Variants in DCST1 observed in about 807,000 individuals in gnomAD.
The protein encoded by DCST1 is DC-STAMP domain containing 1, also known as E3 ubiquitin-protein ligase DCST1.
Under a neutral mutation model 89.1 loss-of-function variants are expected in DCST1, and 78 were observed. The ratio of observed to expected loss-of-function variants is 0.88; its 90% CI spans 0.73 to 1.06. DCST1 has a LOEUF of 1.06. Ranked by LOEUF, DCST1 falls within the 50% of genes least tolerant of loss-of-function variation. The pLI, the probability that DCST1 is intolerant of heterozygous loss-of-function variation, is 0.00. For missense variants in DCST1, 900 were observed against 928.6 expected (o/e 0.97, Z 0.40); for synonymous variants, 364 against 371.9 (o/e 0.98, Z 0.24).
rs759735870 is a variant in DCST1, at chr1:155,041,598, A to C, written c.733A>C (p.Lys245Gln). 2 of 1,614,156 alleles carry C rather than the reference A, an allele frequency of 1.2e-6. No individual in the cohort carries two copies. The highest frequency in any genetic ancestry group is 1.7e-5 in the Admixed American group (1 of 60,026). ...STQKMYELKT[K>Q]LRCSYVVNQA... ...ACAGAAGATGTATGAGCTGAAGACC[A>C]AGCTGCGTTGCTCCTGTGAGGGGTA... Residue 245 changes from lysine to glutamine, a missense_variant, in exon 7 of 17, where the codon AAG becomes CAG. Lys to Gln is a moderately conservative substitution (Grantham distance 53, BLOSUM62 1). Coordinates refer to ENST00000295542, the MANE Select transcript of DCST1 (RefSeq NM_152494.4).
chr1:155,044,169 G>A (rs1660529074), intron 10 of DCST1, among the ~76,000 whole-genome samples: 1 of 152,188 alleles, frequency 6.6e-6, no homozygotes, highest in Non-Finnish European at 1.5e-5. Flanking sequence ...AGATGAAGGA[G>A]CTCTATTCCT....
In DCST1 at chr1:155,034,534, C is replaced by G. The variant is rs1660207323; in HGVS notation, c.161C>G (p.Ala54Gly). The change falls in exon 3 of 17, where the codon GCA becomes GGA. Residue 54 changes from alanine (A) to glycine (G), a missense_variant. Physicochemically the swap from Ala to Gly is moderately conservative, Grantham distance 60. Transcript: ENST00000295542. Reference sequence around the variant, plus strand: ...CCTGTCACTGCTCTCCTGCTGGGGGCAGGCGCTGGGGGGCTCCTGGCCATA... The same window carrying G: ...CCTGTCACTGCTCTCCTGCTGGGGGGAGGCGCTGGGGGGCTCCTGGCCATA... ...EFPVTALLLG[A>G]GAGGLLAIGL... 6.2e-7 allele frequency: 1 copy of G among 1,613,462 alleles called. No individual in the cohort carries two copies. Among genetic ancestry groups the G allele is most frequent in the Non-Finnish European group, 8.5e-7 (1 of 1,179,922 alleles).
At chr1:155,034,887 G>A (rs1660225793) in intron 4 of DCST1, 160 bp downstream of exon 4, 1 of 727,464 alleles carries the variant, frequency 1.4e-6, no homozygotes, top group South Asian at 1.7e-5. Context: ...AGAGGGAAGA[G>A]GCTGCCAATT....
At chr1:155,036,848 C>T (rs1660292042) in intron 4 of DCST1, among the ~76,000 whole-genome samples, 1 of 152,268 alleles carries the variant, frequency 6.6e-6, no homozygotes, top group Non-Finnish European at 1.5e-5. Flanking sequence ...GGGCCACCCA[C>T]AGCCTCTTGC....
intron 7 of DCST1, 41 bp downstream of exon 7, chr1:155,041,654 T>TG (rs752204321): frequency 2.2e-4 from 347 of 1,613,710 alleles, no homozygotes; most frequent in Non-Finnish European, 2.8e-4. Flanking sequence ...GGGTGGGATG[T>TG]GGGGCCAGCA....
At position 155,042,798 on chromosome 1, in the gene DCST1, C is replaced by G; in HGVS notation, c.956C>G (p.Ser319Cys). Residue 319 changes from serine (S) to cysteine (C), a missense_variant, in exon 9 of 17, where the codon TCC (serine) becomes TGC (cysteine). Transcript: ENST00000295542. ...VEGNFGQTYD[S>C]LNQSIRGLDG... ...GGCAACTTTGGGCAGACCTACGACT[C>G]CCTCAACCAGTCTATTCGTGGCCTG... 1 of 1,614,214 alleles carries G rather than the reference C, an allele frequency of 6.2e-7. No homozygotes were observed. Among genetic ancestry groups the G allele is most frequent in the South Asian group, 1.1e-5 (1 of 91,086 alleles).
Position 155,034,643 on chromosome 1 carries a change from G to A in DCST1, c.188-10G>A. On this transcript the variant is annotated splice_polypyrimidine_tract_variant and intron_variant, in intron 3 of 16. Coordinates refer to ENST00000295542, the MANE Select transcript of DCST1 (RefSeq NM_152494.4). ...ATCTTTTGGCCTTTGGCTTGACCTT[G>A]TGCCCTTAGGTCTCTTTCAGCTCCT... 6.2e-7 allele frequency: 1 copy of A among 1,614,190 alleles called. No individual in the cohort carries two copies. Among genetic ancestry groups the A allele is most frequent in the Non-Finnish European group, 8.5e-7 (1 of 1,180,034 alleles).
chr1:155,047,681 A>C, intron 14 of DCST1, 106 bp from the exon 15 acceptor site: 1 of 988,106 alleles, frequency 1.0e-6, no homozygotes, highest in Non-Finnish European at 1.5e-6. Context: ...GGAGGAGAGC[A>C]GGGGAATCAG....
At chr1:155,042,981 G>A in intron 9 of DCST1, 125 bp downstream of exon 9, 1 of 1,202,052 alleles carries the variant, frequency 8.3e-7, no homozygotes, top group Non-Finnish European at 1.1e-6. Flanking sequence ...GTGAGGGAGG[G>A]GGACAAGGAG....
rs748871200 is a variant in DCST1 at position 155,041,468 on chromosome 1, G to A, written c.603G>A (p.Val201=). The stretch of plus-strand genomic sequence containing the variant: ...CTTTTGAGGACCTGGATGCCCAGGT[G>A]AATAGTGAGACGGGCTACACGCCTG... The part of the protein sequence containing the change: ...SATFEDLDAQ[V]NSETGYTPED... Residue 201 remains valine (V), a synonymous_variant, in exon 7 of 17, where the codon GTG becomes GTA. Coordinates refer to ENST00000295542, the MANE Select transcript of DCST1 (RefSeq NM_152494.4). 1.9e-6 allele frequency: 3 copies of A among 1,614,114 alleles called. No individual in the cohort carries two copies. The highest frequency in any genetic ancestry group is 2.5e-6 in the Non-Finnish European group (3 of 1,180,040).
chr1:155,047,506 C>G (rs573320345), intron 14 of DCST1, among the ~76,000 whole-genome samples, 194 bp downstream of exon 14: 2 of 152,328 alleles, frequency 1.3e-5, no homozygotes, highest in South Asian at 2.1e-4. Flanking sequence ...CAGCTTCAGT[C>G]AGAGGAGTCT....
rs199907649 is a variant in DCST1 at position 155,047,787 on chromosome 1, C to T, written c.1613C>T (p.Pro538Leu). 63 of 1,613,502 alleles carry T rather than the reference C, an allele frequency of 3.9e-5. No homozygotes were observed. Among genetic ancestry groups the T allele is most frequent in the Non-Finnish European group, 1.0e-5 (12 of 1,179,998 alleles). Residue 538 changes from proline to leucine, a missense_variant and splice_region_variant, in exon 15 of 17, where the codon CCC (proline) becomes CTC (leucine). Pro to Leu is a moderately conservative substitution (Grantham distance 98). Coordinates refer to ENST00000295542, the MANE Select transcript of DCST1 (RefSeq NM_152494.4). ...SETVMESNNM[P>L]CLPQPVGLDA... ...GACCCCTGGCCTGCCCCTCCCCTAGCCTGCCTGCCCCAGCCTGTGGGCCTG... is the reference window on the plus strand; with the variant it reads ...GACCCCTGGCCTGCCCCTCCCCTAGTCTGCCTGCCCCAGCCTGTGGGCCTG...
chr1:155,034,375 C>T, intron 2 of DCST1, 60 bp from the exon 3 acceptor site: 1 of 1,612,398 alleles, frequency 6.2e-7, no homozygotes, highest in Non-Finnish European at 8.5e-7. Context: ...GCCCTGAATC[C>T]TAATGAGCCC....
intron 4 of DCST1, among the ~76,000 whole-genome samples, chr1:155,036,817 T>G (rs547538276): frequency 6.6e-6 from 1 of 152,358 alleles, no homozygotes; most frequent in African/African-American, 2.4e-5. Flanking sequence ...TTGGCTGACC[T>G]CGAGTGAAGC....
chr1:155,040,255 A>C (rs1401963362), intron 5 of DCST1, among the ~76,000 whole-genome samples: 2 of 148,940 alleles, frequency 1.3e-5, no homozygotes, highest in African/African-American at 5.0e-5. Flanking sequence ...ATGAGCAGAG[A>C]TCGAGCCACT....
rs1437651530 is a variant in DCST1 at position 155,048,049 on chromosome 1, G to GC, written c.1756-3dup. On this transcript the variant is annotated splice_polypyrimidine_tract_variant and splice_region_variant and intron_variant, in intron 15 of 16. Transcript: ENST00000295542. ...TTTCTCTATCATTGACCCCCTTCCT[G>GC]CCCCCAGCGAGAGAAGAAGCGGATC... The GC allele has an allele frequency of 6.2e-7, 1 of 1,613,386 alleles. No homozygotes were observed. Among genetic ancestry groups the GC allele is most frequent in the African/African-American group, 1.3e-5 (1 of 74,754 alleles).
chr1:155,050,481 G>C (rs554144261), intron 16 of DCST1, 136 bp from the exon 17 acceptor site: 1 of 1,249,056 alleles, frequency 8.0e-7, no homozygotes, highest in African/African-American at 1.5e-5. Flanking sequence ...CCCTCCAGGG[G>C]TTTCCTTTGT....
Position 155,047,840 on chromosome 1 carries a change from G to A in DCST1, c.1666G>A (p.Val556Ile). The change falls in exon 15 of 17, where the codon GTA (valine) becomes ATA (isoleucine). Residue 556 changes from valine (V) to isoleucine (I), a missense_variant. By Grantham distance (29) the Val-to-Ile change is conservative. Coordinates refer to ENST00000295542, the MANE Select transcript of DCST1 (RefSeq NM_152494.4). ...LDARAYWRAA[V>I]PIGLLVCLCL... ...TGCCAGGGCCTACTGGAGAGCTGCAGTACCGATTGGCCTGTTAGTGTGTCT... is the reference window on the plus strand; with the variant it reads ...TGCCAGGGCCTACTGGAGAGCTGCAATACCGATTGGCCTGTTAGTGTGTCT... 3.7e-6 allele frequency: 6 copies of A among 1,614,234 alleles called. No homozygotes were observed. Among genetic ancestry groups the A allele is most frequent in the Non-Finnish European group, 5.1e-6 (6 of 1,180,042 alleles).
chr1:155,043,393 G>C lies in DCST1; in HGVS notation c.1056G>C (p.Trp352Cys), dbSNP rs1438171415. The change falls in exon 10 of 17, where the codon TGG (tryptophan) becomes TGC (cysteine). Residue 352 changes from tryptophan (W) to cysteine (C), a missense_variant. By Grantham distance (215) the Trp-to-Cys change is radical. Transcript: ENST00000295542. The part of the protein sequence containing the change: ...QAGVLGLNTS[W>C]ERVSTEVRDY... ...GGGTGCTGGGGCTCAACACAAGCTG[G>C]GAGCGCGTGAGCACCGAGGTGCGGG... The C allele has an allele frequency of 6.2e-7, 1 of 1,613,918 alleles. No homozygotes were observed. The highest frequency in any genetic ancestry group is 1.3e-5 in the African/African-American group (1 of 74,896).
Sources: gnomAD v4.1 joint callset for allele counts (sites outside exome capture counted in the v4.1 genomes callset) on GRCh38, gnomAD v4.1.1 for gene constraint, MANE v1.5 for transcripts, NCBI Gene and HGNC (gene_info 2026-07-23, HGNC 2026-07-21) for gene names.